The following CDH18 variants were observed in gnomAD, a reference collection of about 807,000 sequenced individuals.
The protein encoded by CDH18 is cadherin 18.
Under a neutral mutation model 67.9 loss-of-function variants are expected in CDH18, and 31 were observed. That is an observed-to-expected ratio of 0.46 (90% CI 0.34 to 0.62). CDH18 has a LOEUF of 0.62. CDH18 is among the 20% of genes least tolerant of loss of function. CDH18 has a pLI of 0.01. For synonymous variants in CDH18, 362 were observed against 347.2 expected (o/e 1.04, Z -0.48); for missense variants, 890 against 975.5 (o/e 0.91, Z 1.17).
chr5:20,561,754 G>A (rs1207255699), intron 1 of CDH18, among the ~76,000 whole-genome samples: 1 of 151,698 alleles, frequency 6.6e-6, no homozygotes, highest in Admixed American at 6.6e-5. Context: ...CTATTCAAAA[G>A]AGAAAAAAAT....
chr5:20,519,883 A>G (rs1306067845), intron 1 of CDH18, among the ~76,000 whole-genome samples: 1 of 91,110 alleles, frequency 1.1e-5, no homozygotes, highest in Non-Finnish European at 2.3e-5. Context: ...TTATTCATTT[A>G]TTTTTATTTG....
intron 2 of CDH18, among the ~76,000 whole-genome samples, chr5:20,192,133 G>A (rs576356954): frequency 6.7e-6 from 1 of 149,862 alleles, no homozygotes; most frequent in Non-Finnish European, 1.5e-5. Flanking sequence ...TTTTTCATTT[G>A]TTTCTTGGTC....
intron 2 of CDH18, among the ~76,000 whole-genome samples, chr5:19,964,333 C>A (rs1797212671): frequency 1.3e-5 from 2 of 150,866 alleles, no homozygotes; most frequent in South Asian, 4.2e-4. Flanking sequence ...GTAATCCCAG[C>A]ATTTTGGAAG....
rs1741452670 is a variant in CDH18, at chr5:19,571,801, G to A, written c.1031C>T (p.Thr344Ile). The A allele has an allele frequency of 6.2e-7, 1 of 1,613,004 alleles. No individual in the cohort carries two copies. Among genetic ancestry groups the A allele is most frequent in the Non-Finnish European group, 8.5e-7 (1 of 1,179,262 alleles). The change falls in exon 8 of 13, where the codon ACC (threonine) becomes ATC (isoleucine). Residue 344 changes from threonine to isoleucine, a missense_variant. Thr to Ile is a moderately conservative substitution (Grantham distance 89). Transcript: ENST00000382275. ...TGTATTTGCTCCTTCTATGTTGAGG[G>A]TATATGACTTCTTTTTCTCATAGTT... ...PLNYEKKKSY[T>I]LNIEGANTHL...
intron 1 of CDH18, among the ~76,000 whole-genome samples, chr5:20,443,805 A>G (rs1346459679): frequency 6.6e-6 from 1 of 151,876 alleles, no homozygotes; most frequent in East Asian, 1.9e-4. Flanking sequence ...AGTGATTCCT[A>G]GCAAAGGGTA....
chr5:20,212,702 G>GAA (rs34010482), intron 2 of CDH18, among the ~76,000 whole-genome samples: 4 of 142,924 alleles, frequency 2.8e-5, no homozygotes, highest in African/African-American at 7.6e-5. Flanking sequence ...GGTTAGAAAA[G>GAA]AAAAAAAAAA....
At position 19,552,092 on chromosome 5, in the gene CDH18, G is replaced by A. The variant is rs138095009; in HGVS notation, c.1254-8087C>T. On this transcript the variant is annotated intron_variant, in intron 8 of 12. Transcript: ENST00000382275. The stretch of plus-strand genomic sequence containing the variant: ...GTAGCACTAATCATGCCAAGAAATC[G>A]TGTCTTACCTATCCAGGCCAGTATG... 2.7e-4 allele frequency among the ~76,000 whole-genome samples: 41 copies of A among 152,110 alleles called. 1 individual carries two copies. In the East Asian group the frequency reaches 6.8e-3, roughly 25 times the overall value.
chr5:20,528,617 TAC>T (rs1459227593), intron 1 of CDH18, among the ~76,000 whole-genome samples: 2 of 151,982 alleles, frequency 1.3e-5, no homozygotes, highest in Non-Finnish European at 2.9e-5. Flanking sequence ...ACCACACAAC[TAC>T]ATGGAAATTG....
intron 2 of CDH18, among the ~76,000 whole-genome samples, chr5:20,240,818 T>G (rs1251779256): frequency 1.3e-5 from 2 of 152,106 alleles, no homozygotes; most frequent in Non-Finnish European, 2.9e-5. Context: ...TTATTTTTGC[T>G]GCTTATTTGG....
chr5:19,831,448 A>C (rs1484377667), intron 3 of CDH18, among the ~76,000 whole-genome samples: 1 of 151,976 alleles, frequency 6.6e-6, no homozygotes, highest in Non-Finnish European at 1.5e-5. Context: ...AATGGGACAT[A>C]AACAGACACT....
chr5:20,395,433 G>A (rs933425119), intron 1 of CDH18, among the ~76,000 whole-genome samples: 1 of 152,088 alleles, frequency 6.6e-6, no homozygotes, highest in Non-Finnish European at 1.5e-5. Flanking sequence ...GGACACTGGA[G>A]ACTCAGAAAT....
chr5:19,990,523 G>A (rs1219154590), upstream of CDH18, among the ~76,000 whole-genome samples: 2 of 152,144 alleles, frequency 1.3e-5, no homozygotes, highest in African/African-American at 4.8e-5. Context: ...TGTCAATACT[G>A]CCAACCAATA....
chr5:20,360,860 C>G (rs950376214), intron 1 of CDH18, among the ~76,000 whole-genome samples: 1 of 152,034 alleles, frequency 6.6e-6, no homozygotes, highest in Non-Finnish European at 1.5e-5. Flanking sequence ...TACAATGACA[C>G]TTGCAAAGAT....
chr5:20,071,496 G>C (rs1330535811), intron 2 of CDH18, among the ~76,000 whole-genome samples: 1 of 151,946 alleles, frequency 6.6e-6, no homozygotes, highest in Non-Finnish European at 1.5e-5. Flanking sequence ...GGCTACTGGA[G>C]TTATTTACTT....
intron 2 of CDH18, among the ~76,000 whole-genome samples, chr5:19,866,771 T>A (rs1029447388): frequency 6.6e-6 from 1 of 152,058 alleles, no homozygotes; most frequent in African/African-American, 2.4e-5. Flanking sequence ...CAATAGGCAA[T>A]TCGAGCATAC....
intron 5 of CDH18, among the ~76,000 whole-genome samples, chr5:19,616,794 T>C (rs889564717): frequency 2.0e-5 from 3 of 152,270 alleles, no homozygotes; most frequent in Non-Finnish European, 2.9e-5. Flanking sequence ...AGCTAGAAAG[T>C]CCAAGATCGA....
chr5:20,253,476 GA>G (rs1446829698), intron 2 of CDH18, among the ~76,000 whole-genome samples: 1 of 152,086 alleles, frequency 6.6e-6, no homozygotes, highest in African/African-American at 2.4e-5. Context: ...CGAGATTCAG[GA>G]AAACATTCAA....
chr5:20,092,882 T>C (rs1193025718), intron 2 of CDH18, among the ~76,000 whole-genome samples: 1 of 152,176 alleles, frequency 6.6e-6, no homozygotes, highest in African/African-American at 2.4e-5. Context: ...TAAAGTATAA[T>C]GTAAATCTGA....
chr5:20,386,900 T>A (rs1294344099), intron 1 of CDH18, among the ~76,000 whole-genome samples: 2 of 152,098 alleles, frequency 1.3e-5, no homozygotes, highest in Non-Finnish European at 2.9e-5. Context: ...CTCCTCTATG[T>A]GTGTGGGTAT....
Sources: allele counts gnomAD v4.1 joint callset (sites outside exome capture counted in the v4.1 genomes callset), GRCh38; gene constraint gnomAD v4.1.1; transcripts MANE v1.5; gene names NCBI Gene and HGNC (gene_info 2026-07-23, HGNC 2026-07-21).